FAM107B: variants seen among roughly 807,000 people sequenced by gnomAD.
The protein encoded by FAM107B is protein FAM107B.
Under a neutral mutation model 31.5 loss-of-function variants are expected in FAM107B, and 21 were observed. The ratio of observed to expected loss-of-function variants is 0.67; its 90% CI spans 0.47 to 0.96. The LOEUF (loss-of-function observed/expected upper bound fraction) is 0.96. Among genes scored for constraint, FAM107B ranks in the 40% least tolerant of loss-of-function variants. FAM107B has a pLI of 0.00. For missense variants in FAM107B, 452 were observed against 377.1 expected (o/e 1.20, Z -1.64); for synonymous variants, 157 against 141.5 (o/e 1.11, Z -0.78).
chr10:14,720,367 C>A (rs184291532), intron 1 of FAM107B, among the ~76,000 whole-genome samples: 1 of 152,178 alleles, frequency 6.6e-6, no homozygotes, highest in African/African-American at 2.4e-5. Context: ...GATTCTCCTG[C>A]CTCGGGCTCC....
intron 3 of FAM107B, among the ~76,000 whole-genome samples, chr10:14,525,156 T>C (rs1846088631): frequency 6.6e-6 from 1 of 152,242 alleles, no homozygotes; most frequent in African/African-American, 2.4e-5. Flanking sequence ...ACAGAGATAG[T>C]GTCGACAGAC....
intron 1 of FAM107B, among the ~76,000 whole-genome samples, chr10:14,722,800 T>C (rs1179747402): frequency 1.3e-5 from 2 of 152,192 alleles, no homozygotes; most frequent in African/African-American, 4.8e-5. Context: ...TTTTGAAGCA[T>C]GAAAGTTTTT....
intron 2 of FAM107B, among the ~76,000 whole-genome samples, chr10:14,531,624 T>G (rs908642246): frequency 6.6e-6 from 1 of 150,988 alleles, no homozygotes; most frequent in Non-Finnish European, 1.5e-5. Context: ...GCTAGATCAC[T>G]TGAGGCCAGG....
intron 2 of FAM107B, among the ~76,000 whole-genome samples, chr10:14,532,933 C>T (rs73599378): frequency 0.011 from 1,611 of 152,150 alleles, 29 homozygotes; most frequent in African/African-American, 0.037. Context: ...GAGAAGAGCG[C>T]ATGCAAAGGC....
chr10:14,678,467 ATT>A (rs1442692250), intron 1 of FAM107B, among the ~76,000 whole-genome samples: 1 of 152,222 alleles, frequency 6.6e-6, no homozygotes, highest in Non-Finnish European at 1.5e-5. Context: ...TGTTCATGGC[ATT>A]CTGCTAGGAA....
chr10:14,628,336 T>C (rs1008637657), intron 2 of FAM107B, among the ~76,000 whole-genome samples: 2 of 152,062 alleles, frequency 1.3e-5, no homozygotes, highest in Non-Finnish European at 2.9e-5. Context: ...CAGGCTAGTC[T>C]CAAACTCCTG....
chr10:14,619,222 C>A (rs1588662161), intron 2 of FAM107B, among the ~76,000 whole-genome samples: 1 of 152,116 alleles, frequency 6.6e-6, no homozygotes, highest in African/African-American at 2.4e-5. Context: ...GTTACAGCAA[C>A]CCTAGGAAAA....
rs17155869 is a variant in FAM107B at position 14,752,979 on chromosome 10, A to G, written c.411+21274T>C. Reference sequence around the variant, plus strand: ...AAAAGCTTAGCCATTCAAATAGCACATTGTATAAGAGAAATGCCAAGACTG... The same window carrying G: ...AAAAGCTTAGCCATTCAAATAGCACGTTGTATAAGAGAAATGCCAAGACTG... On this transcript the variant is annotated intron_variant, in intron 1 of 4. Coordinates refer to ENST00000181796, the MANE Select transcript of FAM107B (RefSeq NM_031453.4). 8.5e-3 allele frequency among the ~76,000 whole-genome samples: 1,296 copies of G among 152,218 alleles called. 80 individuals are homozygous for G. In the East Asian group the frequency reaches 0.16, roughly 19 times the overall value.
chr10:14,569,929 G>C lies in FAM107B; in HGVS notation c.470-39414C>G, dbSNP rs187146792. ...AGGCTGGGCGAGCCCAGAGGTTCCC[G>C]GAAACCAGAAACTAGGGCAGAAACA... On this transcript the variant is annotated intron_variant, in intron 2 of 4. Coordinates refer to ENST00000181796, the MANE Select transcript of FAM107B (RefSeq NM_031453.4). 2.0e-5 allele frequency among the ~76,000 whole-genome samples: 3 copies of C among 152,128 alleles called. No homozygotes were observed. The East Asian group carries it at 5.8e-4, about 29-fold the overall frequency.
At chr10:14,739,617 A>C (rs917270269) in intron 1 of FAM107B, among the ~76,000 whole-genome samples, 1 of 122,694 alleles carries the variant, frequency 8.2e-6, no homozygotes, top group Admixed American at 7.3e-5. Flanking sequence ...AGTGTTCATG[A>C]TGAATGAATG....
chr10:14,556,369 T>G, intron 2 of FAM107B: 6 of 985,268 alleles, frequency 6.1e-6, no homozygotes, highest in Non-Finnish European at 7.2e-6. Context: ...GACCTCAGAG[T>G]TTCTGGACTG....
intron 1 of FAM107B, among the ~76,000 whole-genome samples, chr10:14,671,848 G>C (rs78576741): frequency 0.032 from 4,538 of 142,980 alleles, 239 homozygotes; most frequent in African/African-American, 0.11. Context: ...TCCGCATAAG[G>C]CAGCTAATAC....
rs564655420 is a variant in FAM107B, at chr10:14,578,975, T to C, written c.470-48460A>G. Among the ~76,000 whole-genome samples the C allele has an allele frequency of 2.4e-4, 36 of 152,268 alleles. 1 individual carries two copies. Among genetic ancestry groups the C allele is most frequent in the African/African-American group, 7.7e-4 (32 of 41,546 alleles). On this transcript the variant is annotated intron_variant, in intron 2 of 4. Transcript: ENST00000181796. ...TAAAAATGACAGCCTTGTTCACACA[T>C]TGTAAGACTTTACCTAAATTATAAC...
chr10:14,610,602 T>C (rs1852702166), intron 2 of FAM107B, among the ~76,000 whole-genome samples: 1 of 152,170 alleles, frequency 6.6e-6, no homozygotes, highest in South Asian at 2.1e-4. Context: ...AAATTAATAG[T>C]ACTTAGGAAG....
chr10:14,590,059 G>C (rs1056307241), intron 2 of FAM107B, among the ~76,000 whole-genome samples: 1 of 152,184 alleles, frequency 6.6e-6, no homozygotes, highest in Non-Finnish European at 1.5e-5. Flanking sequence ...ATTCCAGGAT[G>C]AGTTTTGGTT....
chr10:14,696,846 G>A (rs922952723), intron 1 of FAM107B, among the ~76,000 whole-genome samples: 8 of 152,166 alleles, frequency 5.3e-5, no homozygotes, highest in East Asian at 3.8e-4. Flanking sequence ...CCGAGGTCCC[G>A]TAGGCTGTGC....
chr10:14,654,315 A>T (rs1358224385), intron 2 of FAM107B, among the ~76,000 whole-genome samples: 2 of 152,224 alleles, frequency 1.3e-5, no homozygotes, highest in Non-Finnish European at 2.9e-5. Flanking sequence ...CAGTTGAAAT[A>T]ACCTTTCGGG....
At chr10:14,672,514 T>G (rs1408288446) in intron 1 of FAM107B, among the ~76,000 whole-genome samples, 2 of 152,182 alleles carry the variant, frequency 1.3e-5, no homozygotes, top group Non-Finnish European at 2.9e-5. Context: ...CTTTACAACA[T>G]GAATATGTGT....
chr10:14,664,352 T>G (rs1329231313), intron 2 of FAM107B, among the ~76,000 whole-genome samples: 2 of 152,234 alleles, frequency 1.3e-5, no homozygotes, highest in Non-Finnish European at 2.9e-5. Context: ...CCATGAGGGA[T>G]GGAGTCAAGT....
Sources: allele counts gnomAD v4.1 joint callset (sites outside exome capture counted in the v4.1 genomes callset), GRCh38; gene constraint gnomAD v4.1.1; transcripts MANE v1.5; gene names NCBI Gene and HGNC (gene_info 2026-07-23, HGNC 2026-07-21).